Variants in RAB3GAP1 observed in about 807,000 individuals in gnomAD.
RAB3GAP1 encodes the protein RAB3 GTPase activating protein catalytic subunit 1.
A neutral mutation model predicts 130.7 loss-of-function variants in RAB3GAP1; 86 were observed. The ratio of observed to expected loss-of-function variants is 0.66; its 90% CI spans 0.55 to 0.79. RAB3GAP1 has a LOEUF of 0.79. RAB3GAP1 is among the 30% of genes least tolerant of loss of function. The pLI is 0.00. For missense variants in RAB3GAP1, 1,029 were observed against 1,169.4 expected (o/e 0.88, Z 1.75); for synonymous variants, 367 against 401.7 (o/e 0.91, Z 1.03).
intron 3 of RAB3GAP1, among the ~76,000 whole-genome samples, chr2:135,081,349 TATATATATATATAC>T (rs1402050682): frequency 6.8e-4 from 63 of 93,238 alleles, no homozygotes; most frequent in African/African-American, 3.5e-3. Flanking sequence ...TATATATATA[TATATATATATATAC>T]ACACACGTGT....
In RAB3GAP1 at chr2:135,077,799, A is replaced by G. The variant is rs1195985927; in HGVS notation, c.151-13199A>G. Among the ~76,000 whole-genome samples, 5 of 152,152 alleles carry G rather than the reference A, an allele frequency of 3.3e-5. No individual in the cohort carries two copies. In the East Asian group the frequency reaches 9.6e-4, roughly 29 times the overall value. On this transcript the variant is annotated intron_variant, in intron 3 of 23. Coordinates refer to ENST00000264158, the MANE Select transcript of RAB3GAP1 (RefSeq NM_012233.3). ...TTTGATTTGCATTTCTCCAATAATT[A>G]GTGATGTTGAGCATCTTTTCCTGTT... is the stretch of plus-strand genomic sequence containing the variant.
At chr2:135,085,722 A>G (rs555081680) in intron 3 of RAB3GAP1, among the ~76,000 whole-genome samples, 1 of 152,318 alleles carries the variant, frequency 6.6e-6, no homozygotes, top group African/African-American at 2.4e-5. Context: ...CATTTTCCTC[A>G]GAAGTTATTT....
At chr2:135,092,825 C>A (rs2104878284) in intron 4 of RAB3GAP1, among the ~76,000 whole-genome samples, 1 of 152,260 alleles carries the variant, frequency 6.6e-6, no homozygotes, top group East Asian at 1.9e-4. Flanking sequence ...TGTGATTGAG[C>A]CTGTAACTTA....
intron 3 of RAB3GAP1, among the ~76,000 whole-genome samples, chr2:135,073,505 G>A (rs1429852087): frequency 6.6e-6 from 1 of 152,174 alleles, no homozygotes; most frequent in Non-Finnish European, 1.5e-5. Flanking sequence ...TAATGGCTGA[G>A]CATGTGACAG....
At chr2:135,124,628 G>A (rs1691299115) in intron 9 of RAB3GAP1, among the ~76,000 whole-genome samples, 1 of 152,104 alleles carries the variant, frequency 6.6e-6, no homozygotes, top group Non-Finnish European at 1.5e-5. Context: ...TCACGCCATT[G>A]CACTCCAACC....
At chr2:135,120,170 T>TC (rs1691154436) in intron 7 of RAB3GAP1, among the ~76,000 whole-genome samples, 1 of 152,214 alleles carries the variant, frequency 6.6e-6, no homozygotes, top group South Asian at 2.1e-4. Context: ...CACCTTTTTT[T>TC]CACATTTAAT....
At chr2:135,130,162 T>C in intron 12 of RAB3GAP1, 75 bp downstream of exon 12, 1 of 1,184,374 alleles carries the variant, frequency 8.4e-7, no homozygotes. Flanking sequence ...CAGCAACTTT[T>C]CATCTGTTTT....
At position 135,153,747 on chromosome 2, in the gene RAB3GAP1, G is replaced by T; in HGVS notation, c.2160G>T (p.Val720=). The T allele has an allele frequency of 6.2e-7, 1 of 1,614,050 alleles. No individual in the cohort carries two copies. The highest frequency in any genetic ancestry group is 1.1e-5 in the South Asian group (1 of 91,080). ...EEVIDEKGNV[V]LKGELSARMK... is the part of the protein sequence containing the mutation. ...TGATTGATGAAAAGGGCAATGTGGT[G>T]CTGAAAGGAGAACTGAGTGCCCGGA... The change falls in exon 19 of 24, where the codon GTG becomes GTT. Residue 720 remains valine, a synonymous_variant. Transcript: ENST00000264158.
At chr2:135,165,835 A>G (rs1692628455) in intron 23 of RAB3GAP1, among the ~76,000 whole-genome samples, 1 of 152,178 alleles carries the variant, frequency 6.6e-6, no homozygotes, top group African/African-American at 2.4e-5. Context: ...AGCTACCAAT[A>G]TGAATGTTCC....
chr2:135,060,728 CAG>C (rs1340572058), intron 3 of RAB3GAP1, among the ~76,000 whole-genome samples: 1 of 151,824 alleles, frequency 6.6e-6, no homozygotes, highest in South Asian at 2.1e-4. Flanking sequence ...TTATTTGAGA[CAG>C]AGTCTTGCTC....
chr2:135,070,348 T>A (rs185584270), intron 3 of RAB3GAP1, among the ~76,000 whole-genome samples: 46 of 152,262 alleles, frequency 3.0e-4, no homozygotes, highest in Admixed American at 1.2e-3. Flanking sequence ...CTTGGAGCTG[T>A]TCAGGCAGTT....
At position 135,162,780 on chromosome 2, in the gene RAB3GAP1, A is replaced by G. The variant is rs148105837; in HGVS notation, c.2419A>G (p.Ile807Val). ...SLENISSVKK[I>V]IKQIISHSSK... The stretch of plus-strand genomic sequence containing the variant: ...CGAAAACATTTCTTCAGTTAAGAAG[A>G]TCATAAAGCAGATAATATCCCATTC... The change falls in exon 21 of 24, where the codon ATC becomes GTC. Residue 807 changes from isoleucine (I) to valine (V), a missense_variant. Around this residue, in one of 3 missense-constraint regions of RAB3GAP1, gnomAD observed 373 missense variants for 493.6 expected, o/e 0.76. Coordinates refer to ENST00000264158, the MANE Select transcript of RAB3GAP1 (RefSeq NM_012233.3). 8.7e-6 allele frequency: 14 copies of G among 1,613,870 alleles called. No individual in the cohort carries two copies. The South Asian group carries it at 8.8e-5, about 10-fold the overall frequency.
At position 135,153,685 on chromosome 2, in the gene RAB3GAP1, A is replaced by C. The variant is rs886054853; in HGVS notation, c.2098A>C (p.Arg700=). 1.2e-5 allele frequency: 19 copies of C among 1,613,944 alleles called. No individual in the cohort carries two copies. Among genetic ancestry groups the C allele is most frequent in the Non-Finnish European group, 1.4e-5 (17 of 1,179,904 alleles). ...NPGCSLEDFV[R]WYSPRDYIEE... is the part of the protein sequence containing the mutation. ...AGGTTGCTCCCTGGAAGATTTTGTGAGGTGGTATTCACCCCGGGATTATAT... is the reference window on the plus strand; with the variant it reads ...AGGTTGCTCCCTGGAAGATTTTGTGCGGTGGTATTCACCCCGGGATTATAT... The change falls in exon 19 of 24, where the codon AGG becomes CGG. Residue 700 remains arginine (R), a synonymous_variant. Coordinates refer to ENST00000264158, the MANE Select transcript of RAB3GAP1 (RefSeq NM_012233.3).
intron 3 of RAB3GAP1, among the ~76,000 whole-genome samples, chr2:135,065,633 G>C (rs1012721125): frequency 6.6e-6 from 1 of 151,892 alleles, no homozygotes; most frequent in African/African-American, 2.4e-5. Context: ...GTGTTTTCAT[G>C]TCAGATGGTA....
chr2:135,139,276 C>T (rs1691769325), intron 17 of RAB3GAP1, among the ~76,000 whole-genome samples: 1 of 152,188 alleles, frequency 6.6e-6, no homozygotes, highest in Non-Finnish European at 1.5e-5. Context: ...CATGGTAGCT[C>T]ATGCCTGTAA....
At chr2:135,116,189 A>G (rs1690966789) in intron 7 of RAB3GAP1, among the ~76,000 whole-genome samples, 1 of 152,202 alleles carries the variant, frequency 6.6e-6, no homozygotes, top group Non-Finnish European at 1.5e-5. Context: ...GCTATTAGTC[A>G]CATTTGGCCA....
At chr2:135,068,754 A>AAAAAC (rs375508163) in intron 3 of RAB3GAP1, among the ~76,000 whole-genome samples, 2 of 152,244 alleles carry the variant, frequency 1.3e-5, no homozygotes, top group Non-Finnish European at 2.9e-5. Context: ...CTCCATCTCA[A>AAAAAC]AAAACAAAAC....
Position 135,162,552 on chromosome 2 carries a change from C to G in RAB3GAP1, c.2290-3C>G. 6.2e-7 allele frequency: 1 copy of G among 1,608,390 alleles called. No homozygotes were observed. The highest frequency in any genetic ancestry group is 8.5e-7 in the Non-Finnish European group (1 of 1,175,234). The stretch of plus-strand genomic sequence containing the variant: ...TCATTTGTGTGCGCTGCACCTCCTT[C>G]AGGTGCTGCACTATCTGGCAATCCA... On this transcript the variant is annotated splice_region_variant and splice_polypyrimidine_tract_variant and intron_variant, in intron 19 of 23. Coordinates refer to ENST00000264158, the MANE Select transcript of RAB3GAP1 (RefSeq NM_012233.3).
chr2:135,156,035 A>C (rs2104986927), intron 19 of RAB3GAP1, among the ~76,000 whole-genome samples: 1 of 152,270 alleles, frequency 6.6e-6, no homozygotes, highest in Admixed American at 6.5e-5. Flanking sequence ...AAATGTGTTA[A>C]AAATACTACT....
Sources: gnomAD v4.1 joint callset for allele counts (sites outside exome capture counted in the v4.1 genomes callset) on GRCh38, gnomAD v4.1.1 for gene constraint, gnomAD v4.1.1 regional missense constraint, MANE v1.5 for transcripts, NCBI Gene and HGNC (gene_info 2026-07-23, HGNC 2026-07-21) for gene names.